Variants in PHKB observed in about 807,000 individuals in gnomAD.
PHKB encodes the protein phosphorylase b kinase regulatory subunit beta.
Under a neutral mutation model 152.1 loss-of-function variants are expected in PHKB, and 122 were observed. The observed-to-expected ratio is 0.80, with a 90% CI of 0.69 to 0.93. The LOEUF is 0.93. Among genes scored for constraint, PHKB ranks in the 40% least tolerant of loss-of-function variants. The pLI is 0.00. For synonymous variants in PHKB, 436 were observed against 464.9 expected (o/e 0.94, Z 0.80); for missense variants, 1,304 against 1,328.4 (o/e 0.98, Z 0.29).
At chr16:47,610,364 C>T (rs1000272762) in intron 13 of PHKB, among the ~76,000 whole-genome samples, 3 of 151,782 alleles carry the variant, frequency 2.0e-5, no homozygotes, top group African/African-American at 7.3e-5. Context: ...GATTTTTCTT[C>T]TGTTTAATAT....
At chr16:47,469,031 T>C (rs1969718374) in intron 1 of PHKB, among the ~76,000 whole-genome samples, 1 of 152,216 alleles carries the variant, frequency 6.6e-6, no homozygotes, top group Admixed American at 6.5e-5. Flanking sequence ...TTCTCTGTAG[T>C]GTCCTTATTA....
intron 25 of PHKB, among the ~76,000 whole-genome samples, chr16:47,666,527 T>C (rs1973542225): frequency 6.6e-6 from 1 of 152,232 alleles, no homozygotes; most frequent in Admixed American, 6.5e-5. Context: ...GGGCCAACTC[T>C]GTCACCTCCT....
At chr16:47,589,819 C>T (rs1391311217) in intron 10 of PHKB, among the ~76,000 whole-genome samples, 2 of 152,176 alleles carry the variant, frequency 1.3e-5, no homozygotes, top group Admixed American at 6.5e-5. Context: ...GAGTCTTGCT[C>T]TGTTGCCCAG....
Position 47,609,681 on chromosome 16 carries a change from C to T in PHKB, c.1364-1145C>T, listed in dbSNP as rs183104490. Among the ~76,000 whole-genome samples the T allele has an allele frequency of 4.6e-3, 707 of 152,048 alleles. 1 individual carries two copies. The highest frequency in any genetic ancestry group is 7.4e-3 in the Non-Finnish European group (501 of 67,986). Reference sequence around the variant, plus strand: ...TGTGTCTTTCCGGGAATAATTCATCCATTTCATCTAGGTTATCTAATTTGA... The same window carrying T: ...TGTGTCTTTCCGGGAATAATTCATCTATTTCATCTAGGTTATCTAATTTGA... On this transcript the variant is annotated intron_variant, in intron 13 of 30. Coordinates refer to ENST00000323584, the MANE Select transcript of PHKB (RefSeq NM_000293.3).
intron 25 of PHKB, among the ~76,000 whole-genome samples, chr16:47,667,276 GA>G (rs935794213): frequency 2.0e-5 from 3 of 147,630 alleles, no homozygotes; most frequent in Admixed American, 6.7e-5. Flanking sequence ...GCAAAAAAAA[GA>G]AAAAAAAAAT....
At chr16:47,544,442 G>A (rs1160081327) in intron 6 of PHKB, among the ~76,000 whole-genome samples, 1 of 152,170 alleles carries the variant, frequency 6.6e-6, no homozygotes, top group Admixed American at 6.5e-5. Context: ...ATCACACTGT[G>A]GTCTCAGAGA....
chr16:47,562,735 C>T (rs975078227), intron 7 of PHKB, among the ~76,000 whole-genome samples: 2 of 152,160 alleles, frequency 1.3e-5, no homozygotes, highest in Admixed American at 1.3e-4. Context: ...CAAAATAAGA[C>T]AACAATGAAG....
At chr16:47,471,445 T>C (rs1183656288) in intron 1 of PHKB, among the ~76,000 whole-genome samples, 3 of 152,096 alleles carry the variant, frequency 2.0e-5, no homozygotes, top group Non-Finnish European at 4.4e-5. Context: ...TATGTAAAAA[T>C]AGACTGGAAG....
At chr16:47,469,115 A>C (rs572004422) in intron 1 of PHKB, among the ~76,000 whole-genome samples, 1 of 152,312 alleles carries the variant, frequency 6.6e-6, no homozygotes, top group Admixed American at 6.5e-5. Flanking sequence ...ATAAAAGCAG[A>C]GACTTACTTG....
chr16:47,675,484 A>AACACACACACACACGTACAC (rs1555498404), intron 26 of PHKB: 4 of 138,436 alleles, frequency 2.9e-5, no homozygotes, highest in African/African-American at 1.1e-4. Flanking sequence ...CTCTTCTCCC[A>AACACACACACACACGTACAC]ACACACACAC....
chr16:47,593,429 G>C (rs1241973954), intron 10 of PHKB, 71 bp from the exon 11 acceptor site: 7 of 855,874 alleles, frequency 8.2e-6, no homozygotes, highest in African/African-American at 1.7e-5. Context: ...CACAGAGTGA[G>C]ATCTTGTCTC....
At chr16:47,539,214 G>A (rs1012452543) in intron 6 of PHKB, among the ~76,000 whole-genome samples, 5 of 152,124 alleles carry the variant, frequency 3.3e-5, no homozygotes, top group African/African-American at 9.7e-5. Flanking sequence ...TTTGGTTGGA[G>A]CCCACTTCCA....
At chr16:47,488,559 A>G (rs1970089710) in intron 1 of PHKB, among the ~76,000 whole-genome samples, 1 of 152,170 alleles carries the variant, frequency 6.6e-6, no homozygotes, top group African/African-American at 2.4e-5. Flanking sequence ...CTTTTCTTCT[A>G]GGGTTTTTAT....
At chr16:47,530,511 A>G (rs758171493) in intron 6 of PHKB, among the ~76,000 whole-genome samples, 3 of 152,200 alleles carry the variant, frequency 2.0e-5, no homozygotes, top group Non-Finnish European at 4.4e-5. Context: ...GCAAGAAGTA[A>G]TAGGTGTGGA....
At chr16:47,595,931 C>T (rs1972109998) in intron 12 of PHKB, among the ~76,000 whole-genome samples, 1 of 152,092 alleles carries the variant, frequency 6.6e-6, no homozygotes, top group Non-Finnish European at 1.5e-5. Flanking sequence ...ATTCTCTCTC[C>T]CTGCTTTCTA....
intron 7 of PHKB, among the ~76,000 whole-genome samples, chr16:47,577,586 T>A (rs951619650): frequency 2.6e-5 from 4 of 152,174 alleles, no homozygotes; most frequent in African/African-American, 9.7e-5. Flanking sequence ...CATCTGAGAT[T>A]GTCTTGGTTT....
chr16:47,649,600 T>A (rs2151730911), intron 18 of PHKB, among the ~76,000 whole-genome samples: 1 of 152,314 alleles, frequency 6.6e-6, no homozygotes, highest in Admixed American at 6.5e-5. Context: ...TGAGTTAAAA[T>A]CTTCACTCCC....
intron 6 of PHKB, chr16:47,529,326 CA>C (rs1447933814): frequency 2.0e-5 from 3 of 147,764 alleles, no homozygotes; most frequent in African/African-American, 7.5e-5. Flanking sequence ...CTCATCGCTA[CA>C]AAAATCTTTA....
chr16:47,690,676 C>T (rs376305650), intron 27 of PHKB, among the ~76,000 whole-genome samples: 5 of 151,626 alleles, frequency 3.3e-5, no homozygotes, highest in African/African-American at 9.7e-5. Context: ...GATAGGATGA[C>T]AAAAATAGAC....
Sources: gnomAD v4.1 joint callset for allele counts (sites outside exome capture counted in the v4.1 genomes callset) on GRCh38, gnomAD v4.1.1 for gene constraint, MANE v1.5 for transcripts, NCBI Gene and HGNC (gene_info 2026-07-23, HGNC 2026-07-21) for gene names.